The following NEURL1 variants were observed in gnomAD, a reference collection of about 807,000 sequenced individuals.
NEURL1 encodes the protein neuralized E3 ubiquitin protein ligase 1.
NEURL1 carries 26 observed loss-of-function variants against 41.2 expected under a neutral mutation model. The ratio of observed to expected loss-of-function variants is 0.63; its 90% CI spans 0.46 to 0.87. The LOEUF (loss-of-function observed/expected upper bound fraction) is 0.87, where lower values mean the gene tolerates loss of function less well. Ranked by LOEUF, NEURL1 falls within the 40% of genes least tolerant of loss-of-function variation. The pLI is 0.00. For synonymous variants in NEURL1, 400 were observed against 402.3 expected, an observed-to-expected ratio of 0.99 and a Z score of 0.07; for missense variants, 761 against 871.1, an observed-to-expected ratio of 0.87 and a Z score of 1.59.
At chr10:103,550,299 G>GTTCCTTCCT (rs2035008316) in intron 1 of NEURL1, among the ~76,000 whole-genome samples, 1 of 152,180 alleles carries the variant, frequency 6.6e-6, no homozygotes, top group Non-Finnish European at 1.5e-5. Flanking sequence ...AGGGAAAAGA[G>GTTCCTTCCT]GGACAGCTAT....
At chr10:103,513,573 G>A (rs1191133630) in intron 1 of NEURL1, among the ~76,000 whole-genome samples, 1 of 152,232 alleles carries the variant, frequency 6.6e-6, no homozygotes, top group East Asian at 1.9e-4. Flanking sequence ...GGAATGGAGA[G>A]TGTCTGGGGT....
intron 1 of NEURL1, among the ~76,000 whole-genome samples, chr10:103,519,463 C>T (rs1259675030): frequency 2.0e-5 from 3 of 152,100 alleles, no homozygotes; most frequent in African/African-American, 7.2e-5. Flanking sequence ...ATATTCTTCC[C>T]CTCAGTGCCC....
chr10:103,543,370 G>A (rs560061328), intron 1 of NEURL1, among the ~76,000 whole-genome samples: 1 of 152,200 alleles, frequency 6.6e-6, no homozygotes, highest in Non-Finnish European at 1.5e-5. Context: ...CTGGTGCTGC[G>A]AGGTCACGGC....
rs531722925 is a variant in NEURL1, at chr10:103,552,608, T to G, written c.86-18264T>G. On this transcript the variant is annotated intron_variant, in intron 1 of 5. Transcript: ENST00000369780. ...TCTCAGGTTGTGATGATATACTCCTTAGTGAGACTACTGGATAAATGTCTG... is the reference window on the plus strand; with the variant it reads ...TCTCAGGTTGTGATGATATACTCCTGAGTGAGACTACTGGATAAATGTCTG... 9.8e-4 allele frequency among the ~76,000 whole-genome samples: 150 copies of G among 152,346 alleles called. 2 individuals carry two copies. The highest frequency in any genetic ancestry group is 7.7e-3 in the South Asian group (37 of 4,830).
intron 1 of NEURL1, among the ~76,000 whole-genome samples, chr10:103,531,662 T>C (rs2034576626): frequency 6.6e-6 from 1 of 151,300 alleles, no homozygotes; most frequent in South Asian, 2.1e-4. Flanking sequence ...GCCTCCTAAG[T>C]GCATACTACC....
At chr10:103,577,070 A>G (rs932412692) in intron 3 of NEURL1, among the ~76,000 whole-genome samples, 1 of 152,224 alleles carries the variant, frequency 6.6e-6, no homozygotes, top group Non-Finnish European at 1.5e-5. Context: ...ATATTAGTTT[A>G]AGGAGCCTGA....
chr10:103,565,329 GA>G (rs1182258988), intron 1 of NEURL1, among the ~76,000 whole-genome samples: 2 of 152,214 alleles, frequency 1.3e-5, no homozygotes, highest in Admixed American at 6.5e-5. Context: ...AGTACAGACA[GA>G]AGGGGCTGAG....
At chr10:103,576,690 G>A (rs2035673404) in intron 3 of NEURL1, among the ~76,000 whole-genome samples, 2 of 152,158 alleles carry the variant, frequency 1.3e-5, no homozygotes, top group Non-Finnish European at 2.9e-5. Flanking sequence ...TCTAAATGGT[G>A]GGGCTGGGTC....
intron 1 of NEURL1, among the ~76,000 whole-genome samples, chr10:103,527,320 A>T (rs1486932261): frequency 7.1e-6 from 1 of 140,380 alleles, no homozygotes. Context: ...TTTGAGGCAG[A>T]GTCTCGCTCT....
At position 103,556,854 on chromosome 10, in the gene NEURL1, G is replaced by A. The variant is rs1281274758; in HGVS notation, c.86-14018G>A. Among the ~76,000 whole-genome samples, 3 of 152,140 alleles carry A rather than the reference G, an allele frequency of 2.0e-5. No individual in the cohort carries two copies. The highest frequency in any genetic ancestry group is 4.8e-5 in the African/African-American group (2 of 41,424). On this transcript the variant is annotated intron_variant, in intron 1 of 5. Transcript: ENST00000369780. The surrounding 1 kb of genome is among the most constrained non-coding windows in gnomAD (Gnocchi z 4.4). ...CTTCTCAGGGCTTGCTGGCCCCGGC[G>A]GGGCCTGTTGGCAGAGGGTCTGGAG...
chr10:103,520,778 G>A (rs1182650482), intron 1 of NEURL1, among the ~76,000 whole-genome samples: 1 of 152,176 alleles, frequency 6.6e-6, no homozygotes, highest in African/African-American at 2.4e-5. Context: ...ATTAGGGTTG[G>A]CGTGGGAACC....
chr10:103,555,421 C>T (rs2035129517), intron 1 of NEURL1: 1 of 1,357,182 alleles, frequency 7.4e-7, no homozygotes, highest in Non-Finnish European at 9.8e-7. Flanking sequence ...ACGGTAAGGC[C>T]CCGCGGATGC....
At chr10:103,533,826 GC>G (rs1480028957) in intron 1 of NEURL1, among the ~76,000 whole-genome samples, 1 of 151,990 alleles carries the variant, frequency 6.6e-6, no homozygotes, top group Non-Finnish European at 1.5e-5. Context: ...TTGAGCCACC[GC>G]TCCCGGCCTA....
intron 3 of NEURL1, among the ~76,000 whole-genome samples, chr10:103,582,905 C>A (rs752506569): frequency 6.6e-6 from 1 of 152,186 alleles, no homozygotes; most frequent in African/African-American, 2.4e-5. Flanking sequence ...GTGAAGAATG[C>A]GGCATTAGGA....
intron 1 of NEURL1, among the ~76,000 whole-genome samples, chr10:103,520,813 G>A (rs1292508427): frequency 1.3e-5 from 2 of 152,134 alleles, no homozygotes; most frequent in East Asian, 1.9e-4. Flanking sequence ...TTAAGCTGAC[G>A]GAAGATTCTG....
Position 103,556,405 on chromosome 10 carries a change from C to G in NEURL1, c.86-14467C>G, listed in dbSNP as rs915613448. ...GTCCCTGACGCACTCCCCTATGTAC[C>G]CTGCTCCCTGCTTGGATGGGGTATT... On this transcript the variant is annotated intron_variant, in intron 1 of 5. Coordinates refer to ENST00000369780, the MANE Select transcript of NEURL1 (RefSeq NM_004210.5). This position sits in a 1 kb window ranked among gnomAD's most constrained non-coding sequence, Gnocchi z 4.4. Among the ~76,000 whole-genome samples the G allele has an allele frequency of 2.0e-5, 3 of 152,154 alleles. No homozygotes were observed. The highest frequency in any genetic ancestry group is 3.9e-4 in the East Asian group (2 of 5,164).
chr10:103,530,524 A>G (rs1056737171), intron 1 of NEURL1, among the ~76,000 whole-genome samples: 1 of 151,032 alleles, frequency 6.6e-6, no homozygotes, highest in Non-Finnish European at 1.5e-5. Flanking sequence ...TTGTTTAATT[A>G]TGGTCAGAAA....
At chr10:103,523,864 A>AT (rs2034408067) in intron 1 of NEURL1, among the ~76,000 whole-genome samples, 1 of 152,132 alleles carries the variant, frequency 6.6e-6, no homozygotes, top group African/African-American at 2.4e-5. Flanking sequence ...ACTTAGGTTG[A>AT]TTTCATATCT....
intron 1 of NEURL1, among the ~76,000 whole-genome samples, chr10:103,512,945 C>T (rs1216614847): frequency 6.6e-6 from 1 of 152,040 alleles, no homozygotes; most frequent in African/African-American, 2.4e-5. Flanking sequence ...CTAGGGTCTT[C>T]TCGTCTCTGG....
Sources: gnomAD v4.1 joint callset for allele counts (sites outside exome capture counted in the v4.1 genomes callset) on GRCh38, gnomAD v4.1.1 for gene constraint, Gnocchi (gnomAD v3.1) non-coding constraint, MANE v1.5 for transcripts, NCBI Gene and HGNC (gene_info 2026-07-23, HGNC 2026-07-21) for gene names.